DTWD2: variants seen among roughly 807,000 people sequenced by gnomAD.
DTWD2 encodes DTW motif tRNA-uridine aminocarboxypropyltransferase 2.
A neutral mutation model predicts 31.8 loss-of-function variants in DTWD2; 39 were observed. The observed-to-expected ratio is 1.22, with a 90% CI of 0.95 to 1.60. The LOEUF (loss-of-function observed/expected upper bound fraction) is 1.60, where lower values mean the gene tolerates loss of function less well. DTWD2 is among the 40% of genes most tolerant of loss of function. The probability of loss-of-function intolerance (pLI) is 0.00; values close to 1 mark genes in which losing one functional copy is unlikely to be tolerated. For synonymous variants in DTWD2, 180 were observed against 142.8 expected, an observed-to-expected ratio of 1.26 and a Z score of -1.86; for missense variants, 515 against 381.5, an observed-to-expected ratio of 1.35 and a Z score of -2.92.
At chr5:118,860,408 G>C (rs999595137) in intron 4 of DTWD2, among the ~76,000 whole-genome samples, 8 of 151,360 alleles carry the variant, frequency 5.3e-5, no homozygotes, top group Non-Finnish European at 1.0e-4. Flanking sequence ...TATAATACTT[G>C]ATTGTATAGC....
intron 4 of DTWD2, among the ~76,000 whole-genome samples, chr5:118,878,049 C>A (rs974659601): frequency 6.6e-6 from 1 of 151,912 alleles, no homozygotes; most frequent in African/African-American, 2.4e-5. Context: ...AGAGATCTCA[C>A]AAACAAATGG....
intron 4 of DTWD2, among the ~76,000 whole-genome samples, chr5:118,876,509 G>A (rs1267804733): frequency 6.6e-6 from 1 of 151,970 alleles, no homozygotes; most frequent in Non-Finnish European, 1.5e-5. Context: ...CAAGAAAAGA[G>A]ATATGATTCA....
intron 2 of DTWD2, among the ~76,000 whole-genome samples, chr5:118,941,841 T>C (rs1412005766): frequency 1.3e-5 from 2 of 152,222 alleles, no homozygotes; most frequent in Non-Finnish European, 2.9e-5. Flanking sequence ...CCAGCACCTG[T>C]TGTTTCCTGA....
intron 1 of DTWD2, among the ~76,000 whole-genome samples, chr5:118,953,955 C>G (rs1437570312): frequency 6.6e-6 from 1 of 152,142 alleles, no homozygotes; most frequent in African/African-American, 2.4e-5. Flanking sequence ...TAGACCAGGT[C>G]TTTGCTCCAA....
intron 3 of DTWD2, among the ~76,000 whole-genome samples, chr5:118,930,860 G>C (rs1434903014): frequency 6.6e-6 from 1 of 152,172 alleles, no homozygotes; most frequent in Non-Finnish European, 1.5e-5. Context: ...GGAAGGCGCA[G>C]GGAGTTGGAG....
rs541464987 is a variant in DTWD2 at position 118,904,311 on chromosome 5, C to T, written c.597+24226G>A. Among the ~76,000 whole-genome samples, 37 of 152,132 alleles carry T rather than the reference C, an allele frequency of 2.4e-4. 1 individual carries two copies. In the South Asian group the frequency reaches 7.7e-3, roughly 32 times the overall value. The stretch of plus-strand genomic sequence containing the variant: ...TTTCAAAGATATTCACTAACATATA[C>T]CAATAACATCCTCAGTGTCTAATAA... On this transcript the variant is annotated intron_variant, in intron 4 of 5. Coordinates refer to ENST00000510708, the MANE Select transcript of DTWD2 (RefSeq NM_173666.4).
At chr5:118,841,826 G>T (rs1457064546) in intron 5 of DTWD2, among the ~76,000 whole-genome samples, 2 of 151,762 alleles carry the variant, frequency 1.3e-5, no homozygotes, top group African/African-American at 4.8e-5. Flanking sequence ...TTTTGGGTGA[G>T]ATTCCTTCCT....
chr5:118,945,323 A>C (rs1278360333), intron 1 of DTWD2, among the ~76,000 whole-genome samples: 3 of 151,978 alleles, frequency 2.0e-5, no homozygotes, highest in African/African-American at 7.3e-5. Flanking sequence ...ATTAAAGGCT[A>C]TACCTCCTAT....
In DTWD2 at chr5:118,883,267, C is replaced by T. The variant is rs878978119; in HGVS notation, c.598-35049G>A. On this transcript the variant is annotated intron_variant, in intron 4 of 5. Coordinates refer to ENST00000510708, the MANE Select transcript of DTWD2 (RefSeq NM_173666.4). ...TCATCTCCATTTGAGACCACCTCAGCCTGGACTTCATTGTCTATTTCATTA... is the reference window on the plus strand; with the variant it reads ...TCATCTCCATTTGAGACCACCTCAGTCTGGACTTCATTGTCTATTTCATTA... Among the ~76,000 whole-genome samples, 34 of 152,180 alleles carry T rather than the reference C, an allele frequency of 2.2e-4. 1 individual carries two copies. The highest frequency in any genetic ancestry group is 8.0e-4 in the African/African-American group (33 of 41,444).
chr5:118,899,219 G>C (rs1205418928), intron 4 of DTWD2, among the ~76,000 whole-genome samples: 2 of 152,346 alleles, frequency 1.3e-5, no homozygotes, highest in East Asian at 1.9e-4. Context: ...AGAAGACTGT[G>C]ATGTGTCTCA....
intron 4 of DTWD2, among the ~76,000 whole-genome samples, chr5:118,912,259 T>C (rs1018715609): frequency 6.6e-6 from 1 of 152,216 alleles, no homozygotes; most frequent in Non-Finnish European, 1.5e-5. Context: ...CCTGAAGTAC[T>C]TGGACTGAAA....
At chr5:118,891,058 T>G (rs1290950933) in intron 4 of DTWD2, among the ~76,000 whole-genome samples, 1 of 152,212 alleles carries the variant, frequency 6.6e-6, no homozygotes, top group Non-Finnish European at 1.5e-5. Flanking sequence ...ACTTTACCAA[T>G]AAAGAGATTT....
At chr5:118,965,197 C>T (rs1425857538) in intron 1 of DTWD2, among the ~76,000 whole-genome samples, 2 of 150,530 alleles carry the variant, frequency 1.3e-5, no homozygotes, top group South Asian at 2.1e-4. Flanking sequence ...GGAGCCCCTC[C>T]GCCCAGCAGC....
At chr5:118,940,844 C>T (rs1051177679) in intron 2 of DTWD2, among the ~76,000 whole-genome samples, 5 of 152,026 alleles carry the variant, frequency 3.3e-5, no homozygotes, top group African/African-American at 1.2e-4. Context: ...ACCACTCCTT[C>T]CTCTCACATC....
chr5:118,873,714 T>C (rs184266175), intron 4 of DTWD2, among the ~76,000 whole-genome samples: 13 of 152,300 alleles, frequency 8.5e-5, no homozygotes, highest in African/African-American at 3.1e-4. Context: ...ACACTTGCGC[T>C]AACCCTGACA....
chr5:118,875,770 C>T (rs1752607048), intron 4 of DTWD2, among the ~76,000 whole-genome samples: 1 of 152,052 alleles, frequency 6.6e-6, no homozygotes, highest in African/African-American at 2.4e-5. Flanking sequence ...ATAGTGGAGA[C>T]TTTAACACCC....
At chr5:118,862,821 T>G (rs931119674) in intron 4 of DTWD2, among the ~76,000 whole-genome samples, 1 of 152,142 alleles carries the variant, frequency 6.6e-6, no homozygotes, top group Non-Finnish European at 1.5e-5. Flanking sequence ...TCTTTCCCAG[T>G]GATTAGTTTA....
chr5:118,956,137 T>A (rs1429658035), intron 1 of DTWD2, among the ~76,000 whole-genome samples: 1 of 152,238 alleles, frequency 6.6e-6, no homozygotes, highest in African/African-American at 2.4e-5. Context: ...GGGGAATAAC[T>A]ACTGCATTAC....
chr5:118,907,479 C>G (rs937696669), intron 4 of DTWD2, among the ~76,000 whole-genome samples: 4 of 152,138 alleles, frequency 2.6e-5, no homozygotes, highest in African/African-American at 9.7e-5. Flanking sequence ...ACCTGTAAAC[C>G]CAGCACTTTG....
Sources: gnomAD v4.1 joint callset for allele counts (sites outside exome capture counted in the v4.1 genomes callset) on GRCh38, gnomAD v4.1.1 for gene constraint, MANE v1.5 for transcripts, NCBI Gene and HGNC (gene_info 2026-07-23, HGNC 2026-07-21) for gene names.